TMEM116: variants seen among roughly 807,000 people sequenced by gnomAD.
TMEM116 encodes the protein transmembrane protein 116.
TMEM116 carries 38 observed loss-of-function variants against 44.3 expected under a neutral mutation model. The observed-to-expected ratio is 0.86, with a 90% CI of 0.66 to 1.12. The LOEUF (loss-of-function observed/expected upper bound fraction) is 1.12, where lower values mean the gene tolerates loss of function less well. Ranked by LOEUF, TMEM116 falls within the 50% of genes most tolerant of loss-of-function variation. The pLI is 0.00. For synonymous variants in TMEM116, 132 were observed against 144.8 expected (o/e 0.91, Z 0.64); for missense variants, 354 against 401.7 (o/e 0.88, Z 1.01).
intron 4 of TMEM116, among the ~76,000 whole-genome samples, chr12:111,962,675 TA>T (rs1178149181): frequency 2.0e-5 from 3 of 152,200 alleles, no homozygotes; most frequent in African/African-American, 7.2e-5. Context: ...CAAGATGGAT[TA>T]AAGACTTAAA....
intron 4 of TMEM116, among the ~76,000 whole-genome samples, chr12:111,959,694 T>C (rs1028879900): frequency 2.7e-5 from 4 of 149,948 alleles, no homozygotes; most frequent in African/African-American, 9.9e-5. Context: ...AAAGCAGGGG[T>C]TGCAATCCTA....
At chr12:111,969,075 C>G (rs1006473078) in intron 4 of TMEM116, among the ~76,000 whole-genome samples, 13 of 150,080 alleles carry the variant, frequency 8.7e-5, no homozygotes, top group African/African-American at 2.9e-4. Flanking sequence ...AATCCCAGCA[C>G]TTTGGGAGGC....
intron 4 of TMEM116, among the ~76,000 whole-genome samples, chr12:111,985,751 C>G (rs1324816623): frequency 6.6e-6 from 1 of 152,032 alleles, no homozygotes; most frequent in Non-Finnish European, 1.5e-5. Context: ...CGCACACCAC[C>G]ACACCCAGCT....
At chr12:112,005,345 C>A in intron 1 of TMEM116, 42 bp from the exon 2 acceptor site, 1 of 1,234,026 alleles carries the variant, frequency 8.1e-7, no homozygotes, top group Non-Finnish European at 1.0e-6. Context: ...AAACCTTTTA[C>A]ATTGAATATT....
intron 4 of TMEM116, among the ~76,000 whole-genome samples, chr12:111,972,076 G>GAAAAAAAAAAAAAAAAAAAAAAAAAA (rs762088997): frequency 1.7e-5 from 1 of 57,534 alleles, no homozygotes. Context: ...CCCTATCTGT[G>GAAAAAAAAAAAAAAAAAAAAAAAAAA]AAAAAAAAAA....
At chr12:111,980,190 A>G (rs1023647180) in intron 4 of TMEM116, among the ~76,000 whole-genome samples, 3 of 152,226 alleles carry the variant, frequency 2.0e-5, no homozygotes, top group African/African-American at 7.2e-5. Context: ...ATGTCCTATA[A>G]TGATGAAAGA....
intron 4 of TMEM116, among the ~76,000 whole-genome samples, chr12:111,985,375 C>T (rs998613404): frequency 1.3e-5 from 2 of 152,048 alleles, no homozygotes; most frequent in African/African-American, 4.8e-5. Context: ...ATCAGCTGCA[C>T]TTCTATGTAT....
At chr12:111,956,448 C>T (rs565577765) in intron 4 of TMEM116, among the ~76,000 whole-genome samples, 1 of 152,218 alleles carries the variant, frequency 6.6e-6, no homozygotes, top group South Asian at 2.1e-4. Flanking sequence ...TGACATTGCT[C>T]TAAGAACCAA....
At chr12:112,006,724 AAAG>A (rs545342435) in intron 1 of TMEM116, among the ~76,000 whole-genome samples, 138 of 152,364 alleles carry the variant, frequency 9.1e-4, no homozygotes, top group African/African-American at 3.1e-3. Flanking sequence ...AGTAGCATTC[AAAG>A]AAGATTTGGA....
At position 111,933,882 on chromosome 12, in the gene TMEM116, C is replaced by T. The variant is rs776052427; in HGVS notation, c.733+4G>A. On this transcript the variant is annotated splice_donor_region_variant and intron_variant, in intron 9 of 10. Transcript: ENST00000552374. ...CTGCCCATCTCTTCTTGTTAAGTACCTACCTGGGCCCCAGCAGCAAAAGAA... is the reference window on the plus strand; with the variant it reads ...CTGCCCATCTCTTCTTGTTAAGTACTTACCTGGGCCCCAGCAGCAAAAGAA... The T allele has an allele frequency of 2.3e-5, 37 of 1,613,672 alleles. No homozygotes were observed. Among genetic ancestry groups the T allele is most frequent in the Non-Finnish European group, 3.1e-5 (37 of 1,179,886 alleles).
At chr12:112,005,671 A>C in intron 1 of TMEM116, 1 of 986,044 alleles carries the variant, frequency 1.0e-6, no homozygotes, top group East Asian at 1.1e-4. Context: ...AGAAAAAAGA[A>C]ACCTGGGAGA....
intron 4 of TMEM116, among the ~76,000 whole-genome samples, chr12:111,965,120 C>G (rs975466547): frequency 6.6e-6 from 1 of 152,134 alleles, no homozygotes; most frequent in African/African-American, 2.4e-5. Context: ...TACTGTGACT[C>G]TCCAAAAGTC....
At chr12:111,953,838 GC>G (rs2136329571) in intron 4 of TMEM116, among the ~76,000 whole-genome samples, 2 of 152,150 alleles carry the variant, frequency 1.3e-5, no homozygotes, top group South Asian at 4.2e-4. Flanking sequence ...AACCTCAATA[GC>G]TTACTTAGTT....
intron 10 of TMEM116, 29 bp downstream of exon 10, chr12:111,932,557 A>G: frequency 6.3e-7 from 1 of 1,589,162 alleles, no homozygotes; most frequent in Non-Finnish European, 8.6e-7. Flanking sequence ...GGGTGTAAGA[A>G]CAGAGATACT....
intron 3 of TMEM116, chr12:111,993,723 G>T: frequency 1.5e-6 from 1 of 645,710 alleles, no homozygotes; most frequent in South Asian, 1.5e-5. Flanking sequence ...ACAAGTTTGT[G>T]GTTCGGAAGC....
At chr12:111,974,732 A>G (rs1323419162) in intron 4 of TMEM116, among the ~76,000 whole-genome samples, 1 of 152,050 alleles carries the variant, frequency 6.6e-6, no homozygotes, top group Non-Finnish European at 1.5e-5. Flanking sequence ...TTATTTGTAG[A>G]CAACATGATC....
chr12:111,965,666 T>C (rs1204217735), intron 4 of TMEM116: 1 of 362,940 alleles, frequency 2.8e-6, no homozygotes. Context: ...GGCTCACACC[T>C]GTAATCCCAG....
At chr12:111,998,356 C>A (rs1277267989) in intron 3 of TMEM116, among the ~76,000 whole-genome samples, 1 of 152,134 alleles carries the variant, frequency 6.6e-6, no homozygotes, top group Non-Finnish European at 1.5e-5. Context: ...GGAGCAGGTG[C>A]TATGTGCTCT....
intron 4 of TMEM116, chr12:111,965,596 A>T: frequency 4.9e-6 from 1 of 202,088 alleles, no homozygotes; most frequent in South Asian, 5.7e-5. Context: ...AGTTCTTACC[A>T]ACTGGGTGCA....
Sources: gnomAD v4.1 joint callset for allele counts (sites outside exome capture counted in the v4.1 genomes callset) on GRCh38, gnomAD v4.1.1 for gene constraint, MANE v1.5 for transcripts, NCBI Gene and HGNC (gene_info 2026-07-23, HGNC 2026-07-21) for gene names.